Variants in CNTN5 observed in about 807,000 individuals in gnomAD.
The protein encoded by CNTN5 is contactin-5.
In CNTN5, 77 loss-of-function variants were observed where a neutral mutation model predicts 129.1. That is an observed-to-expected ratio of 0.60 (90% CI 0.50 to 0.72). The LOEUF (loss-of-function observed/expected upper bound fraction) is 0.72, where lower values mean the gene tolerates loss of function less well. Ranked by LOEUF, CNTN5 falls within the 30% of genes least tolerant of loss-of-function variation. The probability of loss-of-function intolerance (pLI) is 0.00; values close to 1 mark genes in which losing one functional copy is unlikely to be tolerated. For synonymous variants in CNTN5, 509 were observed against 465.6 expected, an observed-to-expected ratio of 1.09 and a Z score of -1.20; for missense variants, 1,478 against 1,328.8, an observed-to-expected ratio of 1.11 and a Z score of -1.75.
chr11:99,048,527 A>C (rs1864303623), intron 1 of CNTN5, among the ~76,000 whole-genome samples: 1 of 152,208 alleles, frequency 6.6e-6, no homozygotes, highest in South Asian at 2.1e-4. Flanking sequence ...CACATTAATT[A>C]GTTATAAAAT....
chr11:99,120,172 G>C (rs180848813), intron 1 of CNTN5: 2 of 151,984 alleles, frequency 1.3e-5, no homozygotes, highest in African/African-American at 2.4e-5. Context: ...ATTGCTTTTG[G>C]TGTGTTTCTC....
At chr11:99,478,978 C>T (rs756488871) in intron 2 of CNTN5, among the ~76,000 whole-genome samples, 2 of 151,870 alleles carry the variant, frequency 1.3e-5, no homozygotes, top group Non-Finnish European at 2.9e-5. Flanking sequence ...TTTCTTTTAG[C>T]CCCTAAACAC....
chr11:100,286,180 G>C (rs958364666), intron 18 of CNTN5, among the ~76,000 whole-genome samples: 1 of 152,164 alleles, frequency 6.6e-6, no homozygotes, highest in Non-Finnish European at 1.5e-5. Flanking sequence ...GGCTGGGGGA[G>C]GGGCGCCCGC....
At chr11:99,872,420 T>A (rs910788420) in intron 6 of CNTN5, among the ~76,000 whole-genome samples, 3 of 152,132 alleles carry the variant, frequency 2.0e-5, no homozygotes, top group Non-Finnish European at 4.4e-5. Flanking sequence ...AGCCTTGAGA[T>A]GAAAAGTCTT....
rs1282885929 is a variant in CNTN5, at chr11:100,358,203, T to C, written c.*1983T>C. 5.9e-5 allele frequency: 9 copies of C among 151,946 alleles called. No individual in the cohort carries two copies. The highest frequency in any genetic ancestry group is 4.6e-4 in the Admixed American group (7 of 15,210). The allele number at this position is 151,946 out of a possible 1,614,324, so 9.4% of individuals were successfully genotyped here. ...AAGCCATTTTCTTCATTTTCCATGG[T>C]GGTGTACACCAGATTTAGTGAAGGA... On this transcript the variant is annotated 3_prime_UTR_variant, in exon 25 of 25. Coordinates refer to ENST00000524871, the MANE Select transcript of CNTN5 (RefSeq NM_014361.4).
At chr11:99,250,643 A>C (rs1278847550) in intron 1 of CNTN5, among the ~76,000 whole-genome samples, 1 of 151,706 alleles carries the variant, frequency 6.6e-6, no homozygotes, top group Non-Finnish European at 1.5e-5. Context: ...AGGGATTCAC[A>C]TTTTTCTTGT....
chr11:99,942,595 G>C (rs1950464823), intron 7 of CNTN5, among the ~76,000 whole-genome samples: 1 of 151,980 alleles, frequency 6.6e-6, no homozygotes, highest in Non-Finnish European at 1.5e-5. Context: ...GTGCCATGGT[G>C]GTTTGCTGCA....
At chr11:99,678,044 T>C (rs1469937317) in intron 3 of CNTN5, among the ~76,000 whole-genome samples, 2 of 152,148 alleles carry the variant, frequency 1.3e-5, no homozygotes, top group Admixed American at 6.6e-5. Flanking sequence ...GTCTTTATGA[T>C]TTTTGATACT....
intron 1 of CNTN5, among the ~76,000 whole-genome samples, chr11:99,216,688 A>T (rs561736799): frequency 6.6e-6 from 1 of 152,258 alleles, no homozygotes; most frequent in African/African-American, 2.4e-5. Context: ...GGAAGACAAC[A>T]TTGGGGAAAC....
At chr11:100,208,630 C>A (rs1948962238) in intron 15 of CNTN5, among the ~76,000 whole-genome samples, 1 of 152,142 alleles carries the variant, frequency 6.6e-6, no homozygotes, top group Admixed American at 6.6e-5. Flanking sequence ...GGAAGAACTG[C>A]AAAATTTTGT....
chr11:99,250,463 G>T (rs1446260296), intron 1 of CNTN5, among the ~76,000 whole-genome samples: 1 of 151,850 alleles, frequency 6.6e-6, no homozygotes, highest in African/African-American at 2.4e-5. Context: ...AATATCATTG[G>T]GAAAGCCTCT....
At chr11:100,199,033 T>C (rs1303701759) in intron 15 of CNTN5, among the ~76,000 whole-genome samples, 2 of 151,996 alleles carry the variant, frequency 1.3e-5, no homozygotes. Flanking sequence ...TTCTGTTTCC[T>C]GATTGATAAA....
chr11:99,708,077 C>T (rs1359796204), intron 3 of CNTN5, among the ~76,000 whole-genome samples: 1 of 151,600 alleles, frequency 6.6e-6, no homozygotes, highest in East Asian at 1.9e-4. Context: ...ACATGAGCGA[C>T]CTTCAGAGGT....
chr11:100,346,081 T>C (rs1952272131), intron 23 of CNTN5, among the ~76,000 whole-genome samples: 1 of 152,216 alleles, frequency 6.6e-6, no homozygotes, highest in African/African-American at 2.4e-5. Flanking sequence ...ATCAACTGCC[T>C]ATTTTATTAA....
At chr11:99,278,530 TATG>T (rs1358098350) in intron 1 of CNTN5, among the ~76,000 whole-genome samples, 2 of 151,702 alleles carry the variant, frequency 1.3e-5, no homozygotes, top group African/African-American at 4.8e-5. Flanking sequence ...AGATGCTGAT[TATG>T]ATGATGATAG....
At chr11:99,526,424 C>T (rs1024581106) in intron 2 of CNTN5, among the ~76,000 whole-genome samples, 2 of 152,076 alleles carry the variant, frequency 1.3e-5, no homozygotes, top group African/African-American at 2.4e-5. Context: ...ATCTGAAAGC[C>T]GAGAAGTCCG....
At chr11:99,079,664 C>G (rs937433452) in intron 1 of CNTN5, among the ~76,000 whole-genome samples, 8 of 152,182 alleles carry the variant, frequency 5.3e-5, no homozygotes, top group Non-Finnish European at 1.2e-4. Flanking sequence ...GCCTTTTCCT[C>G]CTTGTAGTTT....
At chr11:100,178,300 C>A (rs1169691520) in intron 13 of CNTN5, among the ~76,000 whole-genome samples, 2 of 152,126 alleles carry the variant, frequency 1.3e-5, no homozygotes, top group Non-Finnish European at 2.9e-5. Flanking sequence ...ACCATGCTCA[C>A]TTTTGAATTC....
chr11:99,259,388 C>A (rs942513982), intron 1 of CNTN5, among the ~76,000 whole-genome samples: 2 of 151,650 alleles, frequency 1.3e-5, no homozygotes, highest in African/African-American at 4.8e-5. Flanking sequence ...GTAATGTCAC[C>A]ATTTTTTTGC....
Sources: allele counts gnomAD v4.1 joint callset (sites outside exome capture counted in the v4.1 genomes callset), GRCh38; gene constraint gnomAD v4.1.1; transcripts MANE v1.5; gene names NCBI Gene and HGNC (gene_info 2026-07-23, HGNC 2026-07-21).